Variants in FRMD4A observed in about 807,000 individuals in gnomAD.
The protein encoded by FRMD4A is FERM domain-containing protein 4A.
A neutral mutation model predicts 129.1 loss-of-function variants in FRMD4A; 29 were observed. The ratio of observed to expected loss-of-function variants is 0.22; its 90% confidence interval spans 0.17 to 0.31. The LOEUF (loss-of-function observed/expected upper bound fraction) is 0.31. FRMD4A is among the 10% of genes least tolerant of loss of function. FRMD4A has a pLI of 1.00. For missense variants in FRMD4A, 1,272 were observed against 1,375.8 expected (o/e 0.92, Z 1.19); for synonymous variants, 634 against 571.6 (o/e 1.11, Z -1.56).
At chr10:14,120,111 T>C (rs1217063773) in intron 2 of FRMD4A, among the ~76,000 whole-genome samples, 1 of 151,868 alleles carries the variant, frequency 6.6e-6, no homozygotes, top group Admixed American at 6.6e-5. Context: ...GTCCACTTCC[T>C]TCCATCTCCC....
At chr10:13,956,024 A>C (rs2095408117) in intron 2 of FRMD4A, among the ~76,000 whole-genome samples, 1 of 152,248 alleles carries the variant, frequency 6.6e-6, no homozygotes, top group Non-Finnish European at 1.5e-5. Context: ...GGATCTTCCT[A>C]GAAAGGCAGA....
intron 2 of FRMD4A, among the ~76,000 whole-genome samples, chr10:14,017,791 T>C (rs992217914): frequency 1.3e-5 from 2 of 152,150 alleles, no homozygotes; most frequent in African/African-American, 4.8e-5. Context: ...ACGTGGTATA[T>C]TTTCCCAAAG....
At chr10:13,680,275 G>C (rs946951885) in intron 15 of FRMD4A, among the ~76,000 whole-genome samples, 3 of 152,042 alleles carry the variant, frequency 2.0e-5, no homozygotes, top group African/African-American at 7.2e-5. Flanking sequence ...TGGGCAACAT[G>C]GTGAGACTCT....
intron 3 of FRMD4A, among the ~76,000 whole-genome samples, chr10:13,827,987 C>T (rs10906503): frequency 0.78 from 118,899 of 152,178 alleles, 46,579 homozygotes; most frequent in East Asian, 0.9. Flanking sequence ...GCTCTGTAGC[C>T]CCTCTGCAGA....
intron 2 of FRMD4A, among the ~76,000 whole-genome samples, chr10:13,895,381 C>T (rs11258712): frequency 0.083 from 12,643 of 152,166 alleles, 835 homozygotes; most frequent in Non-Finnish European, 0.12. Context: ...TAATGGCCTA[C>T]AGCTCCATCC....
chr10:13,701,320 T>TGA lies in FRMD4A; in HGVS notation c.975+18_975+19dup. On this transcript the variant is annotated intron_variant, in intron 14 of 24. Transcript: ENST00000357447. ...GAGGCAGACAATGGCCCGGGCTTGG[T>TGA]GAGAGGTCTGGTCACTCACCTTACT... is the stretch of plus-strand genomic sequence containing the variant. 6.2e-7 allele frequency: 1 copy of TGA among 1,606,094 alleles called. No individual in the cohort carries two copies.
At chr10:14,178,171 C>T (rs931811823) in intron 2 of FRMD4A, among the ~76,000 whole-genome samples, 1 of 152,196 alleles carries the variant, frequency 6.6e-6, no homozygotes, top group Non-Finnish European at 1.5e-5. Flanking sequence ...CTATTTCCAC[C>T]TTGTGTTACT....
intron 8 of FRMD4A, among the ~76,000 whole-genome samples, chr10:13,749,358 TAGCAATGTTTTTCATTGCTAAAA>T (rs891981584): frequency 2.6e-5 from 4 of 152,142 alleles, no homozygotes; most frequent in Non-Finnish European, 5.9e-5. Flanking sequence ...GTTTCATTTT[TAGCAATGTTTTTCATTGCTAAAA>T]AGCAATGAAA....
At chr10:13,740,359 G>A in intron 10 of FRMD4A, 108 bp from the exon 11 acceptor site, 1 of 909,772 alleles carries the variant, frequency 1.1e-6, no homozygotes, top group Admixed American at 2.0e-5. Flanking sequence ...ACGTGATAAA[G>A]TTCTCGGAGT....
intron 2 of FRMD4A, among the ~76,000 whole-genome samples, chr10:14,224,806 A>G (rs530158016): frequency 1.3e-5 from 2 of 152,354 alleles, no homozygotes; most frequent in South Asian, 4.1e-4. Context: ...GCCTGAAGCT[A>G]TGGGGAGACA....
intron 2 of FRMD4A, among the ~76,000 whole-genome samples, chr10:13,977,383 C>A (rs781145508): frequency 1.3e-5 from 2 of 152,188 alleles, no homozygotes; most frequent in African/African-American, 4.8e-5. Context: ...TGCCGTTAAG[C>A]AATCTCCATG....
In FRMD4A at chr10:14,302,010, A is replaced by G. The variant is rs142676866; in HGVS notation, c.45+28048T>C. The stretch of plus-strand genomic sequence containing the variant: ...GAGTTTTTCAGACAAATCTGGGGAA[A>G]GAAAAGTCTGAAACCATCACCTCAA... On this transcript the variant is annotated intron_variant, in intron 2 of 24. Transcript: ENST00000357447. Among the ~76,000 whole-genome samples the G allele has an allele frequency of 1.9e-3, 282 of 152,340 alleles. 2 individuals carry two copies. The highest frequency in any genetic ancestry group is 6.5e-3 in the African/African-American group (269 of 41,590).
intron 2 of FRMD4A, among the ~76,000 whole-genome samples, chr10:14,236,588 C>T (rs1050977787): frequency 6.6e-6 from 1 of 152,128 alleles, no homozygotes; most frequent in Non-Finnish European, 1.5e-5. Context: ...ATGCTGAGGA[C>T]CAGACAAGGG....
chr10:13,734,931 T>TA (rs2090548176), intron 12 of FRMD4A, among the ~76,000 whole-genome samples: 1 of 152,080 alleles, frequency 6.6e-6, no homozygotes, highest in Non-Finnish European at 1.5e-5. Flanking sequence ...TGGAGCGCAG[T>TA]GGTGCGATCT....
intron 15 of FRMD4A, among the ~76,000 whole-genome samples, chr10:13,686,323 G>A (rs544048411): frequency 1.8e-4 from 27 of 152,358 alleles, no homozygotes; most frequent in Non-Finnish European, 3.2e-4. Flanking sequence ...TTATATCAGC[G>A]CAAGGCAGTG....
Position 13,730,170 on chromosome 10 carries a change from A to G in FRMD4A, c.759+7674T>C, listed in dbSNP as rs548373686. Among the ~76,000 whole-genome samples, 4 of 152,242 alleles carry G rather than the reference A, an allele frequency of 2.6e-5. No individual in the cohort carries two copies. In the East Asian group the frequency reaches 5.8e-4, roughly 22 times the overall value. ...CAAGGCAGATTGTCCCAGAGATTAG[A>G]GCTCTCAGGCTTTCTCGGGCTTCAA... On this transcript the variant is annotated intron_variant, in intron 12 of 24. Coordinates refer to ENST00000357447, the MANE Select transcript of FRMD4A (RefSeq NM_018027.5).
intron 15 of FRMD4A, among the ~76,000 whole-genome samples, chr10:13,687,212 A>C (rs2085169428): frequency 6.6e-6 from 1 of 152,284 alleles, no homozygotes; most frequent in Middle Eastern, 3.4e-3. Context: ...GGAGAATCGC[A>C]GATAACCCGG....
chr10:14,100,012 A>G (rs1015243179), intron 2 of FRMD4A, among the ~76,000 whole-genome samples: 1 of 152,052 alleles, frequency 6.6e-6, no homozygotes, highest in African/African-American at 2.4e-5. Flanking sequence ...CATTTATACA[A>G]ACACTGGGGT....
intron 2 of FRMD4A, among the ~76,000 whole-genome samples, chr10:13,936,001 T>A (rs1402329823): frequency 6.6e-6 from 1 of 152,252 alleles, no homozygotes; most frequent in East Asian, 1.9e-4. Flanking sequence ...GAAATGTGTT[T>A]GGCACAAGAG....
Sources: gnomAD v4.1 joint callset for allele counts (sites outside exome capture counted in the v4.1 genomes callset) on GRCh38, gnomAD v4.1.1 for gene constraint, MANE v1.5 for transcripts, NCBI Gene and HGNC (gene_info 2026-07-23, HGNC 2026-07-21) for gene names.